TRIM39: variants seen among roughly 807,000 people sequenced by gnomAD.
TRIM39 encodes tripartite motif containing 39.
Under a neutral mutation model 53.6 loss-of-function variants are expected in TRIM39, and 5 were observed. The observed-to-expected ratio is 0.09, with a 90% CI of 0.05 to 0.20. The LOEUF is 0.20. Ranked by LOEUF, TRIM39 falls within the 10% of genes least tolerant of loss-of-function variation. The pLI is 1.00. For synonymous variants in TRIM39, 196 were observed against 237.6 expected (o/e 0.82, Z 1.61); for missense variants, 310 against 621.0 (o/e 0.50, Z 5.32).
At chr6:30,330,782 A>G in exon 4 of TRIM39, 1 of 1,614,150 alleles carries the variant, frequency 6.2e-7, no homozygotes, top group Non-Finnish European at 8.5e-7. Flanking sequence ...ACCCCTCAGG[A>G]AAAACTGCAG....
Position 30,339,024 on chromosome 6 carries a change from T to C in TRIM39, c.781-884T>C, listed in dbSNP as rs894407436. The stretch of plus-strand genomic sequence containing the variant: ...TGGTATTTGTTCCTATGGCCTTTCA[T>C]GTATGTGTGTTCTGCCTTCCATATT... On this transcript the variant is annotated intron_variant, in intron 5 of 7. Transcript: ENST00000396551. The surrounding 1 kb of genome is among the most constrained non-coding windows in gnomAD (Gnocchi z 4.2). Among the ~76,000 whole-genome samples the C allele has an allele frequency of 6.6e-6, 1 of 152,206 alleles. No homozygotes were observed. Among genetic ancestry groups the C allele is most frequent in the Non-Finnish European group, 1.5e-5 (1 of 68,030 alleles).
intron 4 of TRIM39, among the ~76,000 whole-genome samples, chr6:30,331,752 C>G (rs192856417): frequency 6.2e-4 from 95 of 152,338 alleles, no homozygotes; most frequent in Non-Finnish European, 1.1e-3. Flanking sequence ...TGCAGCCTTT[C>G]CTGACCCTTC....
At chr6:30,329,603 G>A in exon 3 of TRIM39, 1 of 1,613,102 alleles carries the variant, frequency 6.2e-7, no homozygotes, top group South Asian at 1.1e-5. Context: ...GCAGCTCCAG[G>A]CCGTCAAGCG....
intron 3 of TRIM39, 149 bp downstream of exon 3, chr6:30,329,919 G>C (rs1457410911): frequency 3.2e-6 from 4 of 1,245,314 alleles, no homozygotes; most frequent in Non-Finnish European, 4.3e-6. Context: ...TGTGTGATCA[G>C]TTGTCCTCTA....
rs1347165660 is a variant in TRIM39 at position 30,339,384 on chromosome 6, A to G, written c.781-524A>G. The stretch of plus-strand genomic sequence containing the variant: ...GGCTGGTCTTGAACTCCTGACCTCA[A>G]GTGATCCACCCGTCTTGGCCTCCCA... On this transcript the variant is annotated intron_variant, in intron 5 of 7. Coordinates refer to ENST00000396551, the Ensembl canonical transcript of TRIM39. The surrounding 1 kb of genome is among the most constrained non-coding windows in gnomAD (Gnocchi z 4.2). Among the ~76,000 whole-genome samples the G allele has an allele frequency of 6.6e-6, 1 of 152,120 alleles. No homozygotes were observed. Among genetic ancestry groups the G allele is most frequent in the Non-Finnish European group, 1.5e-5 (1 of 68,018 alleles).
intron 4 of TRIM39, among the ~76,000 whole-genome samples, chr6:30,333,168 G>A (rs1303326672): frequency 6.6e-6 from 1 of 152,052 alleles, no homozygotes; most frequent in Non-Finnish European, 1.5e-5. Context: ...AAGTAGCTTA[G>A]CTCTTGGTGA....
intron 4 of TRIM39, 45 bp downstream of exon 4, chr6:30,330,921 C>A: frequency 6.3e-7 from 1 of 1,597,336 alleles, no homozygotes; most frequent in Non-Finnish European, 8.6e-7. Context: ...AGGGTATTTG[C>A]CTATGAGGGA....
intron 4 of TRIM39, among the ~76,000 whole-genome samples, chr6:30,333,630 G>A (rs2127396170): frequency 6.6e-6 from 1 of 151,880 alleles, no homozygotes; most frequent in Middle Eastern, 3.4e-3. Flanking sequence ...CAAAGTGCTG[G>A]GATTACAGGC....
exon 3 of TRIM39, chr6:30,329,606 G>A (rs745569249): frequency 8.7e-6 from 14 of 1,612,976 alleles, no homozygotes; most frequent in African/African-American, 8.0e-5. Context: ...GCTCCAGGCC[G>A]TCAAGCGGAA....
chr6:30,333,816 A>G (rs17194852), intron 4 of TRIM39, among the ~76,000 whole-genome samples: 5,725 of 152,258 alleles, frequency 0.038, 110 homozygotes, highest in South Asian at 0.059. Context: ...TATTTCCAAA[A>G]TATCCTCAGA....
rs906295144 is a variant in TRIM39, at chr6:30,331,289, CA to C, written c.549+424del. Among the ~76,000 whole-genome samples the C allele has an allele frequency of 4.3e-3, 567 of 133,324 alleles. 3 individuals are homozygous for C. The highest frequency in any genetic ancestry group is 0.014 in the African/African-American group (517 of 36,438). The allele number at this position is 133,324 out of a possible 152,430, so 87.5% of individuals were successfully genotyped here. On this transcript the variant is annotated intron_variant, in intron 4 of 7. Coordinates refer to ENST00000396551, the Ensembl canonical transcript of TRIM39. ...GTCTCAAACAAACAAAAAAAACAAA[CA>C]AAAAAAAAAAGAACAATGTAGTTCT... is the stretch of plus-strand genomic sequence containing the variant.
chr6:30,332,993 A>G (rs1786374455), intron 4 of TRIM39, among the ~76,000 whole-genome samples: 1 of 152,246 alleles, frequency 6.6e-6, no homozygotes, highest in Admixed American at 6.5e-5. Flanking sequence ...ATAATGAAAC[A>G]TAATTGATGA....
exon 8 of TRIM39, chr6:30,343,376 T>G (rs1000849666): frequency 4.6e-5 from 7 of 152,706 alleles, no homozygotes; most frequent in Non-Finnish European, 1.5e-5. Flanking sequence ...GGCTTTTGCT[T>G]GTTTGTTGCC....
chr6:30,334,262 C>G (rs543861173), intron 4 of TRIM39, among the ~76,000 whole-genome samples: 28 of 151,984 alleles, frequency 1.8e-4, no homozygotes, highest in African/African-American at 6.5e-4. Context: ...GTCCCAGTCT[C>G]TGCTTCTCAC....
rs1254437873 is a variant in TRIM39 at position 30,339,855 on chromosome 6, C to T, written c.781-53C>T. ...GGGAGGAGGGGGAACCTTTTGCCTT[C>T]AGGACCACTGAATACCAGGACCAAT... On this transcript the variant is annotated intron_variant, in intron 5 of 7. Coordinates refer to ENST00000396551, the Ensembl canonical transcript of TRIM39. This position sits in a 1 kb window ranked among gnomAD's most constrained non-coding sequence, Gnocchi z 4.2. 3.7e-6 allele frequency: 6 copies of T among 1,612,898 alleles called. No homozygotes were observed. In the African/African-American group the frequency reaches 5.3e-5, roughly 14 times the overall value.
At chr6:30,340,147 AG>A in intron 6 of TRIM39, 1 of 1,074,788 alleles carries the variant, frequency 9.3e-7, no homozygotes, top group Non-Finnish European at 1.4e-6. Flanking sequence ...CTTCTTGAGA[AG>A]GAGAATGATA....
At chr6:30,329,724 G>A (rs777858014) in exon 3 of TRIM39, 3 of 1,613,014 alleles carry the variant, frequency 1.9e-6, no homozygotes, top group Admixed American at 1.7e-5. Flanking sequence ...CACACCCACC[G>A]GGCCCACACC....
At position 30,331,297 on chromosome 6, in the gene TRIM39, A is replaced by AG. The variant is rs374011780; in HGVS notation, c.549+421_549+422insG. 8.4e-3 allele frequency among the ~76,000 whole-genome samples: 1,254 copies of AG among 150,066 alleles called. 6 individuals carry two copies. The highest frequency in any genetic ancestry group is 0.037 in the Middle Eastern group (11 of 294). ...CAAACAAAAAAAACAAACAAAAAAA[A>AG]AAAGAACAATGTAGTTCTCTCAAAA... On this transcript the variant is annotated intron_variant, in intron 4 of 7. Coordinates refer to ENST00000396551, the Ensembl canonical transcript of TRIM39.
chr6:30,341,990 C>T (rs1454541891), exon 8 of TRIM39: 1 of 1,613,022 alleles, frequency 6.2e-7, no homozygotes, highest in Admixed American at 1.7e-5. Context: ...TGGCTACTGG[C>T]GGGTGCGGCT....
Sources: gnomAD v4.1 joint callset for allele counts (sites outside exome capture counted in the v4.1 genomes callset) on GRCh38, gnomAD v4.1.1 for gene constraint, Gnocchi (gnomAD v3.1) non-coding constraint, MANE v1.5 for transcripts, NCBI Gene and HGNC (gene_info 2026-07-23, HGNC 2026-07-21) for gene names.